Variants in CACNA2D1 observed in about 807,000 individuals in gnomAD.
CACNA2D1 encodes calcium voltage-gated channel auxiliary subunit alpha2delta 1, also known as voltage-dependent calcium channel subunit alpha-2/delta-1.
Under a neutral mutation model 171.5 loss-of-function variants are expected in CACNA2D1, and 53 were observed. The observed-to-expected ratio is 0.31, with a 90% confidence interval of 0.25 to 0.39. CACNA2D1 has a LOEUF of 0.39. Ranked by LOEUF, CACNA2D1 falls within the 10% of genes least tolerant of loss-of-function variation. CACNA2D1 has a pLI of 1.00. For synonymous variants in CACNA2D1, 442 were observed against 443.1 expected (o/e 1.00, Z 0.03); for missense variants, 903 against 1,299.8 (o/e 0.69, Z 4.69).
chr7:82,222,901 T>TC (rs1433495222), intron 3 of CACNA2D1, among the ~76,000 whole-genome samples: 1 of 149,634 alleles, frequency 6.7e-6, no homozygotes, highest in East Asian at 1.9e-4. Flanking sequence ...TTTCTTTCTT[T>TC]TTTTTTTTTT....
At chr7:82,394,241 T>C (rs1490575968) in intron 1 of CACNA2D1, among the ~76,000 whole-genome samples, 1 of 152,062 alleles carries the variant, frequency 6.6e-6, no homozygotes, top group East Asian at 1.9e-4. Context: ...TTTATCTTAT[T>C]CCTCATTCTT....
chr7:82,256,173 C>T (rs958884097), intron 3 of CACNA2D1, among the ~76,000 whole-genome samples: 15 of 151,890 alleles, frequency 9.9e-5, no homozygotes, highest in South Asian at 2.1e-4. Flanking sequence ...CCGGGCATGG[C>T]GGTGGGGCGT....
chr7:82,147,780 CTT>C (rs988271712), intron 4 of CACNA2D1, among the ~76,000 whole-genome samples: 1 of 152,072 alleles, frequency 6.6e-6, no homozygotes, highest in South Asian at 2.1e-4. Context: ...CAGTGAATAA[CTT>C]AGTTTAAAAT....
chr7:82,408,583 C>T (rs1196192254), intron 1 of CACNA2D1, among the ~76,000 whole-genome samples: 1 of 152,166 alleles, frequency 6.6e-6, no homozygotes, highest in African/African-American at 2.4e-5. Flanking sequence ...CGGCACAGAA[C>T]AGATCCTGGA....
At chr7:82,229,051 T>C (rs1802635786) in intron 3 of CACNA2D1, among the ~76,000 whole-genome samples, 1 of 152,144 alleles carries the variant, frequency 6.6e-6, no homozygotes, top group Non-Finnish European at 1.5e-5. Context: ...ATTTAATGGG[T>C]TTTCTGAATA....
At chr7:82,137,629 CGGG>C (rs1453881686) in intron 4 of CACNA2D1, among the ~76,000 whole-genome samples, 9 of 148,884 alleles carry the variant, frequency 6.0e-5, no homozygotes, top group African/African-American at 2.2e-4. Flanking sequence ...CCCAGCACTT[CGGG>C]AGGCCGAGGT....
intron 3 of CACNA2D1, among the ~76,000 whole-genome samples, chr7:82,172,820 A>C: frequency 6.8e-6 from 1 of 147,796 alleles, no homozygotes; most frequent in East Asian, 2.0e-4. Flanking sequence ...ATAGTAACTA[A>C]ACTTTTACAT....
At chr7:82,288,917 T>C (rs1585351397) in intron 3 of CACNA2D1, among the ~76,000 whole-genome samples, 1 of 152,114 alleles carries the variant, frequency 6.6e-6, no homozygotes, top group African/African-American at 2.4e-5. Context: ...TCAAAGGAGC[T>C]ACAGGAAGCG....
intron 1 of CACNA2D1, among the ~76,000 whole-genome samples, chr7:82,362,097 T>C (rs1821140625): frequency 6.6e-6 from 1 of 152,166 alleles, no homozygotes; most frequent in South Asian, 2.1e-4. Context: ...AATGGTATTT[T>C]AGCTTGAGGT....
intron 1 of CACNA2D1, among the ~76,000 whole-genome samples, chr7:82,370,600 T>C (rs940779688): frequency 6.5e-5 from 8 of 122,918 alleles, no homozygotes; most frequent in Non-Finnish European, 1.3e-4. Flanking sequence ...GATATACAGA[T>C]ATAGATACAG....
rs1491222972 is a variant in CACNA2D1, at chr7:82,172,640, T to TTTTTTTTTTTTC, written c.295-2032_295-2031insGAAAAAAAAAAA. The stretch of plus-strand genomic sequence containing the variant: ...GCTTTTTTTTTTTTTTTTTTTTTTT[T>TTTTTTTTTTTTC]GGTAAAGATGGGGTCTCAAACTCCT... On this transcript the variant is annotated intron_variant, in intron 3 of 38. Transcript: ENST00000356860. Among the ~76,000 whole-genome samples, 63 of 77,280 alleles carry TTTTTTTTTTTTC rather than the reference T, an allele frequency of 8.2e-4. 2 individuals carry two copies. Among genetic ancestry groups the TTTTTTTTTTTTC allele is most frequent in the African/African-American group, 3.1e-3 (62 of 19,978 alleles). The allele number at this position is 77,280 out of a possible 152,430, so 50.7% of individuals were successfully genotyped here.
chr7:82,189,592 TAAAAACAAAG>T (rs1190770897), intron 3 of CACNA2D1, among the ~76,000 whole-genome samples: 15 of 151,796 alleles, frequency 9.9e-5, no homozygotes, highest in Non-Finnish European at 1.6e-4. Flanking sequence ...TGGCAAAGGT[TAAAAACAAAG>T]GAGAATAGAA....
intron 3 of CACNA2D1, among the ~76,000 whole-genome samples, chr7:82,260,677 T>C (rs532385055): frequency 6.6e-6 from 1 of 152,304 alleles, no homozygotes; most frequent in East Asian, 1.9e-4. Context: ...GAAATGGCCT[T>C]AGAAAGGTTA....
At chr7:82,355,102 A>C (rs1214557557) in intron 1 of CACNA2D1, among the ~76,000 whole-genome samples, 1 of 152,164 alleles carries the variant, frequency 6.6e-6, no homozygotes, top group Non-Finnish European at 1.5e-5. Flanking sequence ...CAGAGACTAA[A>C]TGAGGAGGGC....
chr7:82,208,040 G>C (rs1342001981), intron 3 of CACNA2D1, among the ~76,000 whole-genome samples: 1 of 152,072 alleles, frequency 6.6e-6, no homozygotes, highest in Non-Finnish European at 1.5e-5. Context: ...CTGTGAACTT[G>C]TGCCATATAC....
intron 3 of CACNA2D1, among the ~76,000 whole-genome samples, chr7:82,183,190 A>C (rs1797329126): frequency 6.6e-6 from 1 of 152,106 alleles, no homozygotes; most frequent in Non-Finnish European, 1.5e-5. Flanking sequence ...CAATCCCTAG[A>C]GTGTTTATCA....
intron 19 of CACNA2D1, 121 bp from the exon 20 acceptor site, chr7:81,995,060 G>T: frequency 3.3e-6 from 2 of 609,314 alleles, no homozygotes; most frequent in Non-Finnish European, 3.0e-6. Context: ...AATAAAAATA[G>T]GGGGTTAGTT....
intron 3 of CACNA2D1, among the ~76,000 whole-genome samples, chr7:82,195,529 G>A (rs1031895165): frequency 1.3e-5 from 2 of 151,682 alleles, no homozygotes; most frequent in Non-Finnish European, 2.9e-5. Flanking sequence ...CTGGATTTTT[G>A]TTTTTAGGTC....
chr7:82,112,696 G>A (rs1218788411), intron 6 of CACNA2D1, among the ~76,000 whole-genome samples: 1 of 152,160 alleles, frequency 6.6e-6, no homozygotes, highest in Non-Finnish European at 1.5e-5. Context: ...ACAACAAAAT[G>A]GGCTGTTTAC....
Sources: gnomAD v4.1 joint callset for allele counts (sites outside exome capture counted in the v4.1 genomes callset) on GRCh38, gnomAD v4.1.1 for gene constraint, MANE v1.5 for transcripts, NCBI Gene and HGNC (gene_info 2026-07-23, HGNC 2026-07-21) for gene names.